PRSS55: variants seen among roughly 807,000 people sequenced by gnomAD.
The protein encoded by PRSS55 is serine protease 55.
A neutral mutation model predicts 23.6 loss-of-function variants in PRSS55; 41 were observed. The observed-to-expected ratio is 1.74, with a 90% CI of 1.35 to 2.26. The LOEUF is 2.26. Among genes scored for constraint, PRSS55 ranks in the 30% most tolerant of loss-of-function variants. PRSS55 has a pLI of 0.00. For synonymous variants in PRSS55, 262 were observed against 175.5 expected (o/e 1.49, Z -3.90); for missense variants, 669 against 439.1 (o/e 1.52, Z -4.68).
intron 4 of PRSS55, among the ~76,000 whole-genome samples, chr8:10,534,153 G>A (rs1001285949): frequency 6.6e-6 from 1 of 152,076 alleles, no homozygotes; most frequent in Non-Finnish European, 1.5e-5. Context: ...CATGCACACA[G>A]AATTGAGACT....
chr8:10,527,312 A>G (rs77351543), intron 1 of PRSS55, among the ~76,000 whole-genome samples: 3,219 of 152,292 alleles, frequency 0.021, 127 homozygotes, highest in African/African-American at 0.074. Context: ...TGCAGTGAAC[A>G]TCATCAGATG....
downstream of PRSS55, among the ~76,000 whole-genome samples, chr8:10,542,497 G>C (rs1337810092): frequency 1.3e-5 from 2 of 151,524 alleles, no homozygotes; most frequent in East Asian, 3.9e-4. Context: ...TGATGTTAAT[G>C]TTTTGTATTT....
In PRSS55 at chr8:10,529,654, G is replaced by C; in HGVS notation, c.302G>C (p.Trp101Ser). The change falls in exon 2 of 5, where the codon TGG (tryptophan) becomes TCG (serine). Residue 101 changes from tryptophan (W) to serine (S), a missense_variant. By Grantham distance (177) the Trp-to-Ser change is radical (BLOSUM62 -3). Transcript: ENST00000328655. ...TGTGGCGGCTCCATCCTCAACAAGT[G>C]GTGGATTCTCACTGCGGCTCACTGC... ...PFCGGSILNK[W>S]WILTAAHCLY... is the part of the protein sequence containing the mutation. 6.2e-7 allele frequency: 1 copy of C among 1,614,168 alleles called. No homozygotes were observed. Among genetic ancestry groups the C allele is most frequent in the East Asian group, 2.2e-5 (1 of 44,872 alleles).
At chr8:10,549,747 T>G (rs1381167407) in intron 4 of PRSS55, among the ~76,000 whole-genome samples, 1 of 152,082 alleles carries the variant, frequency 6.6e-6, no homozygotes, top group African/African-American at 2.4e-5. Flanking sequence ...ACGGAGTGCT[T>G]GGGACCATGA....
intron 4 of PRSS55, chr8:10,547,328 C>G (rs1437125091): frequency 6.6e-6 from 1 of 152,452 alleles, no homozygotes; most frequent in Non-Finnish European, 1.5e-5. Context: ...CCTCCCTCCC[C>G]GAGAGCCCAT....
At chr8:10,540,657 A>C (rs888383359), downstream of PRSS55, 4 of 152,184 alleles carry the variant, frequency 2.6e-5, no homozygotes, top group Non-Finnish European at 5.9e-5. Flanking sequence ...GGAGGTTGCA[A>C]TGAGCGGAGA....
chr8:10,538,594 C>T lies in PRSS55; in HGVS notation c.860C>T (p.Ser287Leu), dbSNP rs974478714. ...AAGAACACCCCAGGGATATACACCT[C>T]GTTGGTGAACTACAACCTCTGGATC... ...GEKNTPGIYT[S>L]LVNYNLWIEK... The change falls in exon 5 of 5, where the codon TCG becomes TTG. Residue 287 changes from serine to leucine, a missense_variant. By Grantham distance (145) the Ser-to-Leu change is moderately radical. Transcript: ENST00000328655. 52 of 1,613,994 alleles carry T rather than the reference C, an allele frequency of 3.2e-5. No homozygotes were observed. The highest frequency in any genetic ancestry group is 1.1e-4 in the East Asian group (5 of 44,888).
At chr8:10,543,072 C>G (rs1255651054), downstream of PRSS55, among the ~76,000 whole-genome samples, 1 of 152,088 alleles carries the variant, frequency 6.6e-6, no homozygotes, top group African/African-American at 2.4e-5. Flanking sequence ...GACCCTACCT[C>G]TGACTCCAGA....
chr8:10,548,204 G>A (rs890903572), intron 4 of PRSS55, among the ~76,000 whole-genome samples: 4 of 152,110 alleles, frequency 2.6e-5, no homozygotes, highest in Non-Finnish European at 4.4e-5. Context: ...CGCTCAGGTG[G>A]GCCTGGCTGG....
intron 4 of PRSS55, among the ~76,000 whole-genome samples, chr8:10,545,645 TAA>T (rs1812798202): frequency 6.6e-6 from 1 of 152,140 alleles, no homozygotes; most frequent in Non-Finnish European, 1.5e-5. Flanking sequence ...TTCTAAGGTA[TAA>T]GAGGATCACA....
rs75245703 is a variant in PRSS55, at chr8:10,550,117, C to A, written c.742-3826C>A. Among the ~76,000 whole-genome samples, 1,196 of 152,222 alleles carry A rather than the reference C, an allele frequency of 7.9e-3. 15 individuals are homozygous for A. The highest frequency in any genetic ancestry group is 0.025 in the African/African-American group (1,054 of 41,528). ...TATTTTTAGTGGAGACGGGGTTTCT[C>A]CATGTTGGCCAGGCTGATTGGTCTT... On this transcript the variant is annotated intron_variant, in intron 4 of 4. Coordinates refer to the PRSS55 transcript ENST00000522210.
intron 1 of PRSS55, among the ~76,000 whole-genome samples, chr8:10,525,962 G>C (rs1390252451): frequency 2.0e-5 from 3 of 152,174 alleles, no homozygotes; most frequent in Non-Finnish European, 2.9e-5. Context: ...CAGAGGAATA[G>C]CAGGCTGCCC....
chr8:10,553,874 C>G (rs1813003674), intron 4 of PRSS55: 1 of 1,049,956 alleles, frequency 9.5e-7, no homozygotes, highest in Admixed American at 2.5e-5. Context: ...ATACATAAAT[C>G]AAAGCACCAC....
At chr8:10,538,857 G>C, downstream of PRSS55, 2 of 1,441,316 alleles carry the variant, frequency 1.4e-6, no homozygotes, top group Non-Finnish European at 1.9e-6. Flanking sequence ...TCCAGCAGAG[G>C]CTCTGTCTGC....
downstream of PRSS55, among the ~76,000 whole-genome samples, chr8:10,539,513 A>C (rs1282398767): frequency 6.6e-6 from 1 of 152,166 alleles, no homozygotes; most frequent in African/African-American, 2.4e-5. Context: ...GACCCCACTG[A>C]TATGGTTTGG....
rs772409257 is a variant in PRSS55, at chr8:10,529,526, T to A, written c.174T>A (p.Ile58=). 51 of 1,614,228 alleles carry A rather than the reference T, an allele frequency of 3.2e-5. No individual in the cohort carries two copies. The Admixed American group carries it at 8.5e-4, about 27-fold the overall frequency. ...CACCAGAATGTGGTGACAGATCTAT[T>A]TTCGAGGGAAGAACTCGGTATTCCA... is the stretch of plus-strand genomic sequence containing the variant. ...SPVSECGDRS[I]FEGRTRYSRI... The change falls in exon 2 of 5, where the codon ATT becomes ATA. Residue 58 remains isoleucine, a synonymous_variant. Coordinates refer to ENST00000328655, the MANE Select transcript of PRSS55 (RefSeq NM_198464.4).
intron 4 of PRSS55, 135 bp from the exon 5 acceptor site, chr8:10,538,341 C>A: frequency 2.9e-6 from 2 of 681,382 alleles, no homozygotes; most frequent in Non-Finnish European, 5.0e-6. Flanking sequence ...CATGCTTCTC[C>A]CGTGGAGCAG....
chr8:10,529,781 TGA>T, intron 2 of PRSS55, 82 bp downstream of exon 2: 1 of 1,380,858 alleles, frequency 7.2e-7, no homozygotes, highest in Non-Finnish European at 1.0e-6. Flanking sequence ...ACCTGGTGGC[TGA>T]GAGGAACCTG....
chr8:10,528,929 T>C (rs777374790), intron 1 of PRSS55, among the ~76,000 whole-genome samples: 7 of 152,178 alleles, frequency 4.6e-5, no homozygotes, highest in Non-Finnish European at 1.0e-4. Context: ...GCCTTTCCTC[T>C]GCAGTCACTT....
Sources: gnomAD v4.1 joint callset for allele counts (sites outside exome capture counted in the v4.1 genomes callset) on GRCh38, gnomAD v4.1.1 for gene constraint, MANE v1.5 for transcripts, NCBI Gene and HGNC (gene_info 2026-07-23, HGNC 2026-07-21) for gene names.